XPC: variants seen among roughly 807,000 people sequenced by gnomAD.
The protein encoded by XPC is XPC complex subunit, DNA damage recognition and repair factor, also known as DNA repair protein complementing XP-C cells.
In XPC, 76 loss-of-function variants were observed where a neutral mutation model predicts 95.8. That is an observed-to-expected ratio of 0.79 (90% CI 0.66 to 0.96). The LOEUF (loss-of-function observed/expected upper bound fraction) is 0.96. XPC is among the 40% of genes least tolerant of loss of function. The pLI is 0.00. For synonymous variants in XPC, 442 were observed against 442.1 expected (o/e 1.00, Z 0.00); for missense variants, 1,146 against 1,179.8 (o/e 0.97, Z 0.42).
intron 13 of XPC, 147 bp downstream of exon 13, chr3:14,148,415 T>G (rs1695536013): frequency 8.0e-6 from 9 of 1,128,034 alleles, no homozygotes; most frequent in Non-Finnish European, 1.1e-5. Context: ...GGTAAAGCAC[T>G]GACTTTGCAA....
intron 7 of XPC, 191 bp from the exon 8 acceptor site, chr3:14,160,021 C>G (rs193277083): frequency 1.8e-6 from 1 of 544,190 alleles, no homozygotes; most frequent in Non-Finnish European, 3.2e-6. Context: ...CGTAGAAGAA[C>G]AGGAACATGC....
At chr3:14,148,124 G>A in intron 13 of XPC, 123 bp from the exon 14 acceptor site, 1 of 820,886 alleles carries the variant, frequency 1.2e-6, no homozygotes, top group South Asian at 1.8e-5. Flanking sequence ...GGATGTCGCG[G>A]GTCAGCCAGT....
intron 11 of XPC, chr3:14,151,760 GCA>G: frequency 6.5e-6 from 1 of 153,892 alleles, no homozygotes; most frequent in Non-Finnish European, 1.4e-5. Flanking sequence ...CAGTGCCGCA[GCA>G]CAGTGTGAAA....
intron 15 of XPC, 38 bp downstream of exon 15, chr3:14,147,252 C>A (rs769999649): frequency 6.3e-7 from 1 of 1,577,600 alleles, no homozygotes; most frequent in South Asian, 1.2e-5. Flanking sequence ...AAGAAACTGA[C>A]CCTGAGCTTG....
chr3:14,169,942 G>A (rs1406455758), intron 3 of XPC, among the ~76,000 whole-genome samples: 1 of 152,214 alleles, frequency 6.6e-6, no homozygotes, highest in East Asian at 1.9e-4. Flanking sequence ...GTGAGTGTAT[G>A]ATACATTAGG....
intron 15 of XPC, among the ~76,000 whole-genome samples, chr3:14,146,862 T>C (rs1296978634): frequency 2.6e-5 from 4 of 152,194 alleles, no homozygotes; most frequent in Non-Finnish European, 2.9e-5. Context: ...AATTCACACC[T>C]GTGTCCAAGC....
At chr3:14,147,475 A>G (rs971567628) in intron 14 of XPC, 96 bp from the exon 15 acceptor site, 2 of 1,187,716 alleles carry the variant, frequency 1.7e-6, no homozygotes, top group African/African-American at 3.1e-5. Flanking sequence ...ACAGATATAT[A>G]CACCACTTTA....
intron 9 of XPC, among the ~76,000 whole-genome samples, chr3:14,156,893 CTG>C (rs1213592124): frequency 6.6e-6 from 1 of 152,236 alleles, no homozygotes; most frequent in Non-Finnish European, 1.5e-5. Flanking sequence ...TCACAGGAAA[CTG>C]AGAGCAGCGG....
intron 7 of XPC, among the ~76,000 whole-genome samples, chr3:14,161,175 C>G (rs981133350): frequency 2.0e-5 from 3 of 152,142 alleles, no homozygotes; most frequent in Admixed American, 1.3e-4. Context: ...TCTGTAATAA[C>G]AGATCGAGTC....
intron 1 of XPC, among the ~76,000 whole-genome samples, chr3:14,174,007 G>C (rs780228045): frequency 3.9e-5 from 6 of 151,996 alleles, no homozygotes; most frequent in Non-Finnish European, 7.4e-5. Flanking sequence ...CTGACTCTCT[G>C]GATGGGTATT....
chr3:14,168,206 CTGT>C, intron 4 of XPC, 48 bp downstream of exon 4: 1 of 1,557,882 alleles, frequency 6.4e-7, no homozygotes. Flanking sequence ...TAAGCAGCAG[CTGT>C]TGCCTACTGC....
chr3:14,167,046 G>T, intron 5 of XPC, 123 bp downstream of exon 5: 2 of 798,212 alleles, frequency 2.5e-6, no homozygotes, highest in Non-Finnish European at 3.8e-6. Flanking sequence ...GGATGCAAAG[G>T]CTCAGAGAGA....
In XPC at chr3:14,168,144, G is replaced by C. The variant is rs56139315; in HGVS notation, c.536+113C>G. The C allele has an allele frequency of 7.4e-5, 102 of 1,387,118 alleles. 2 individuals carry two copies. The East Asian group carries it at 2.5e-3, about 34-fold the overall frequency. 85.9% of individuals were successfully genotyped at this position (1,387,118 alleles called of 1,614,324 possible). A position where few individuals can be genotyped will look rare whatever the true frequency, so the allele number is the denominator to read the frequency against. ...ATCAGGTTCCTGACCCAAGGTTCTC[G>C]ACCACTTTGATACTCAGTCCTGGTC... is the stretch of plus-strand genomic sequence containing the variant. On this transcript the variant is annotated intron_variant, in intron 4 of 15. Coordinates refer to ENST00000285021, the MANE Select transcript of XPC (RefSeq NM_004628.5).
chr3:14,146,848 G>A (rs1695459418), intron 15 of XPC, among the ~76,000 whole-genome samples: 1 of 152,200 alleles, frequency 6.6e-6, no homozygotes, highest in African/African-American at 2.4e-5. Context: ...AGGGCTGCAT[G>A]TCAAATTCAC....
In XPC at chr3:14,164,831, A is replaced by C. The variant is rs1279813333; in HGVS notation, c.882T>G (p.Asp294Glu). Residue 294 changes from aspartate (D) to glutamate (E), a missense_variant, in exon 7 of 16, where the codon GAT (aspartate) becomes GAG (glutamate). Coordinates refer to ENST00000285021, the MANE Select transcript of XPC (RefSeq NM_004628.5). ...ERRFAIYSARDDEELVHIFLL... is the reference protein window; with the variant it reads ...ERRFAIYSAREDEELVHIFLL... ...CACTTACATGGACCAATTCCTCATCATCTCGAGCAGAGTAAATAGCAAATC... is the reference window on the plus strand; with the variant it reads ...CACTTACATGGACCAATTCCTCATCCTCTCGAGCAGAGTAAATAGCAAATC... 3.1e-6 allele frequency: 5 copies of C among 1,613,550 alleles called. No homozygotes were observed. Among genetic ancestry groups the C allele is most frequent in the African/African-American group, 1.3e-5 (1 of 75,036 alleles).
chr3:14,168,244 G>C lies in XPC; in HGVS notation c.536+13C>G. ...CATGTGACAGGAGCCTAGAAGCAAG[G>C]GCCTAAGCTTACCTTCTTTCTCTTG... On this transcript the variant is annotated intron_variant, in intron 4 of 15. Coordinates refer to ENST00000285021, the MANE Select transcript of XPC (RefSeq NM_004628.5). 6.2e-7 allele frequency: 1 copy of C among 1,606,954 alleles called. No individual in the cohort carries two copies. The highest frequency in any genetic ancestry group is 8.5e-7 in the Non-Finnish European group (1 of 1,177,484).
chr3:14,158,395 G>A lies in XPC; in HGVS notation c.1488C>T (p.Ser496=), dbSNP rs531060191. The A allele has an allele frequency of 6.2e-7, 1 of 1,613,896 alleles. No homozygotes were observed. Among genetic ancestry groups the A allele is most frequent in the Admixed American group, 1.7e-5 (1 of 60,028 alleles). The change falls in exon 9 of 16, where the codon AGC becomes AGT. Residue 496 remains serine, a synonymous_variant. Coordinates refer to ENST00000285021, the MANE Select transcript of XPC (RefSeq NM_004628.5). The surrounding 1 kb of genome is among the most constrained non-coding windows in gnomAD (Gnocchi z 5.2). The stretch of plus-strand genomic sequence containing the variant: ...AAGAGCTTGAGGATGCCGCTGGCAA[G>A]CTTGGGTCCTTACGATGGCTCCCAC... ...THRGSHRKDP[S]LPAASSSSSS...
Position 14,146,034 on chromosome 3 carries a change from ATCT to A in XPC, c.2727_2729del (p.Glu909del), listed in dbSNP as rs751026244. On this transcript the variant is annotated inframe_deletion, in exon 16 of 16. Coordinates refer to ENST00000285021, the MANE Select transcript of XPC (RefSeq NM_004628.5). ...CACCCTTCAGCTTCTGCTTTTCTTCATCTTCTCGGTTTTGAGGCCAGGAGGCAG... is the reference window on the plus strand; with the variant it reads ...CACCCTTCAGCTTCTGCTTTTCTTCATCTCGGTTTTGAGGCCAGGAGGCAG... The A allele has an allele frequency of 1.3e-5, 21 of 1,609,668 alleles. No individual in the cohort carries two copies. The highest frequency in any genetic ancestry group is 1.8e-5 in the Non-Finnish European group (21 of 1,178,166).
chr3:14,176,992 C>A (rs546643043), intron 1 of XPC, among the ~76,000 whole-genome samples: 2 of 152,108 alleles, frequency 1.3e-5, no homozygotes, highest in Admixed American at 1.3e-4. Flanking sequence ...ACCAGCTACT[C>A]GGGAGGCTGA....
Sources: gnomAD v4.1 joint callset for allele counts (sites outside exome capture counted in the v4.1 genomes callset) on GRCh38, gnomAD v4.1.1 for gene constraint, Gnocchi (gnomAD v3.1) non-coding constraint, MANE v1.5 for transcripts, NCBI Gene and HGNC (gene_info 2026-07-23, HGNC 2026-07-21) for gene names.